The following IQUB variants were observed in gnomAD, a reference collection of about 807,000 sequenced individuals.
IQUB encodes the protein IQ motif and ubiquitin domain containing, also known as IQ motif and ubiquitin-like domain-containing protein.
A neutral mutation model predicts 86.4 loss-of-function variants in IQUB; 86 were observed. That is an observed-to-expected ratio of 1.00 (90% CI 0.84 to 1.19). IQUB has a LOEUF of 1.19. Among genes scored for constraint, IQUB ranks in the 50% most tolerant of loss-of-function variants. The probability of loss-of-function intolerance (pLI) is 0.00; values close to 1 mark genes in which losing one functional copy is unlikely to be tolerated. For synonymous variants in IQUB, 289 were observed against 304.5 expected, an observed-to-expected ratio of 0.95 and a Z score of 0.53; for missense variants, 946 against 916.9, an observed-to-expected ratio of 1.03 and a Z score of -0.41.
chr7:123,522,288 A>G (rs1038882617), intron 1 of IQUB, among the ~76,000 whole-genome samples: 4 of 152,208 alleles, frequency 2.6e-5, no homozygotes. Context: ...GGAAATTGGC[A>G]CAAACTTGAA....
intron 3 of IQUB, among the ~76,000 whole-genome samples, chr7:123,504,993 G>A (rs550505694): frequency 8.5e-5 from 13 of 152,214 alleles, no homozygotes; most frequent in African/African-American, 3.1e-4. Context: ...ATAGGCATTG[G>A]GTAAATATAC....
chr7:123,508,963 A>G (rs2117243452), intron 3 of IQUB, among the ~76,000 whole-genome samples: 1 of 152,314 alleles, frequency 6.6e-6, no homozygotes, highest in African/African-American at 2.4e-5. Flanking sequence ...TATGGTCATA[A>G]TCATTATTAC....
rs1797670036 is a variant in IQUB, at chr7:123,534,485, C to A, written c.-5+7G>T. 6.5e-6 allele frequency: 1 copy of A among 153,020 alleles called. No individual in the cohort carries two copies. Among genetic ancestry groups the A allele is most frequent in the African/African-American group, 2.4e-5 (1 of 41,456 alleles). The allele number at this position is 153,020 out of a possible 1,614,324, so 9.5% of individuals were successfully genotyped here. On this transcript the variant is annotated splice_region_variant and intron_variant, in intron 1 of 12. Coordinates refer to ENST00000324698, the MANE Select transcript of IQUB (RefSeq NM_178827.5). ...CAGGAGGCCGCAGTCAAAATCTGTT[C>A]TCCTACCTGTGTACGAAACCAAACT...
At chr7:123,513,913 T>C (rs1796536948) in intron 1 of IQUB, among the ~76,000 whole-genome samples, 1 of 152,216 alleles carries the variant, frequency 6.6e-6, no homozygotes. Context: ...CCTCCCAAAG[T>C]GTTGGGATTA....
At chr7:123,467,836 C>A (rs1051695493) in intron 9 of IQUB, among the ~76,000 whole-genome samples, 1 of 152,176 alleles carries the variant, frequency 6.6e-6, no homozygotes, top group Non-Finnish European at 1.5e-5. Flanking sequence ...GCCCCTGTAA[C>A]TCTGGACTCT....
chr7:123,495,832 C>T (rs1465927793), intron 7 of IQUB, among the ~76,000 whole-genome samples: 2 of 151,876 alleles, frequency 1.3e-5, no homozygotes. Context: ...GAGCTAAGCA[C>T]AGTAAAAGGC....
rs1024970193 is a variant in IQUB, at chr7:123,524,988, T to G, written c.-5+9504A>C. On this transcript the variant is annotated intron_variant, in intron 1 of 12. Coordinates refer to ENST00000324698, the MANE Select transcript of IQUB (RefSeq NM_178827.5). ...TGGTTTTTGTCTTTGGTTCTGTTTA[T>G]ATGCTGGATTACATTTATTGATTTG... Among the ~76,000 whole-genome samples, 264 of 152,354 alleles carry G rather than the reference T, an allele frequency of 1.7e-3. 1 individual carries two copies. The highest frequency in any genetic ancestry group is 2.9e-3 in the Non-Finnish European group (195 of 68,036).
At chr7:123,473,720 C>A (rs997150409) in intron 8 of IQUB, among the ~76,000 whole-genome samples, 1 of 150,708 alleles carries the variant, frequency 6.6e-6, no homozygotes, top group East Asian at 2.0e-4. Flanking sequence ...GGATTACAGG[C>A]ACCCGCCACA....
chr7:123,524,712 C>T (rs1797100237), intron 1 of IQUB, among the ~76,000 whole-genome samples: 1 of 149,748 alleles, frequency 6.7e-6, no homozygotes, highest in Non-Finnish European at 1.5e-5. Flanking sequence ...TGCCTAATTG[C>T]CCTGGCCAGA....
rs192651912 is a variant in IQUB, at chr7:123,461,719, A to T, written c.1759-114T>A. The T allele has an allele frequency of 7.0e-3, 5,086 of 721,468 alleles. 28 individuals carry two copies. The highest frequency in any genetic ancestry group is 0.011 in the Middle Eastern group (22 of 2,042). 44.7% of individuals were successfully genotyped at this position (721,468 alleles called of 1,614,324 possible). On this transcript the variant is annotated intron_variant, in intron 10 of 12. Coordinates refer to ENST00000324698, the MANE Select transcript of IQUB (RefSeq NM_178827.5). ...ACTTACTTATCTTAGAATGAGATTT[A>T]AAAAAAAAAGTTGGCTAATTTCTAA... is the stretch of plus-strand genomic sequence containing the variant.
At chr7:123,479,671 T>C in intron 8 of IQUB, 124 bp downstream of exon 8, 3 of 697,046 alleles carry the variant, frequency 4.3e-6, no homozygotes, top group East Asian at 3.0e-5. Context: ...TTAAGAAATA[T>C]GTCATCAAAA....
intron 10 of IQUB, among the ~76,000 whole-genome samples, chr7:123,464,131 G>A (rs1794136590): frequency 6.6e-6 from 1 of 151,678 alleles, no homozygotes; most frequent in South Asian, 2.1e-4. Flanking sequence ...TATAATCATT[G>A]AAATAAAACT....
In IQUB at chr7:123,502,748, A is replaced by G. The variant is rs1796003889; in HGVS notation, c.872T>C (p.Val291Ala). The G allele has an allele frequency of 6.3e-7, 1 of 1,595,560 alleles. No homozygotes were observed. The highest frequency in any genetic ancestry group is 8.5e-7 in the Non-Finnish European group (1 of 1,171,234). ...LSIFCRDTQTVFQKKNLQQTT... is the reference protein window; with the variant it reads ...LSIFCRDTQTAFQKKNLQQTT... ...TTGTTGGAGATTTTTTTTCTGAAAA[A>G]CTGTCTAAAAGAAAACATTAAAAAT... is the stretch of plus-strand genomic sequence containing the variant. The change falls in exon 6 of 13, where the codon GTT (valine) becomes GCT (alanine). Residue 291 changes from valine to alanine, a missense_variant. By Grantham distance (64) the Val-to-Ala change is moderately conservative. Transcript: ENST00000324698.
At chr7:123,493,163 G>A (rs1336961000) in intron 7 of IQUB, among the ~76,000 whole-genome samples, 1 of 152,038 alleles carries the variant, frequency 6.6e-6, no homozygotes, top group African/African-American at 2.4e-5. Context: ...CAAGGTTCAG[G>A]CAACAATCCT....
At chr7:123,473,589 T>C (rs1430081134) in intron 8 of IQUB, among the ~76,000 whole-genome samples, 3 of 152,108 alleles carry the variant, frequency 2.0e-5, no homozygotes, top group Non-Finnish European at 4.4e-5. Context: ...TTGTTTTTTG[T>C]TTTTCTGATG....
intron 8 of IQUB, among the ~76,000 whole-genome samples, chr7:123,475,881 T>C (rs989620301): frequency 6.6e-6 from 1 of 152,180 alleles, no homozygotes; most frequent in African/African-American, 2.4e-5. Context: ...CAAATAGGTT[T>C]ATTTCAAAAG....
chr7:123,522,709 TTTTA>T (rs1377755955), intron 1 of IQUB, among the ~76,000 whole-genome samples: 31 of 152,172 alleles, frequency 2.0e-4, no homozygotes, highest in African/African-American at 7.0e-4. Flanking sequence ...AAAAAAATAC[TTTTA>T]TTATTATACT....
intron 7 of IQUB, among the ~76,000 whole-genome samples, chr7:123,493,501 A>C (rs1018400100): frequency 6.6e-6 from 1 of 152,130 alleles, no homozygotes. Context: ...CCTCAGTCAA[A>C]AATAAGGCAG....
intron 8 of IQUB, among the ~76,000 whole-genome samples, chr7:123,470,884 C>T (rs1042781442): frequency 2.0e-5 from 3 of 151,542 alleles, no homozygotes; most frequent in Non-Finnish European, 2.9e-5. Flanking sequence ...AAAACAATGA[C>T]AGTATCAGGA....
Sources: gnomAD v4.1 joint callset for allele counts (sites outside exome capture counted in the v4.1 genomes callset) on GRCh38, gnomAD v4.1.1 for gene constraint, MANE v1.5 for transcripts, NCBI Gene and HGNC (gene_info 2026-07-23, HGNC 2026-07-21) for gene names.